ZNF532: variants seen among roughly 807,000 people sequenced by gnomAD.
The protein encoded by ZNF532 is zinc finger protein 532.
Under a neutral mutation model 89.3 loss-of-function variants are expected in ZNF532, and 22 were observed. The observed-to-expected ratio is 0.25, with a 90% confidence interval of 0.18 to 0.35. The LOEUF is 0.35. Among genes scored for constraint, ZNF532 ranks in the 10% least tolerant of loss-of-function variants. The probability of loss-of-function intolerance (pLI) is 1.00; values close to 1 mark genes in which losing one functional copy is unlikely to be tolerated. For synonymous variants in ZNF532, 606 were observed against 649.6 expected, an observed-to-expected ratio of 0.93 and a Z score of 1.02; for missense variants, 1,132 against 1,643.4, an observed-to-expected ratio of 0.69 and a Z score of 5.38.
Position 58,953,764 on chromosome 18 carries a change from G to A in ZNF532, c.3115G>A (p.Val1039Met). ...ECDCLFMQRD[V>M]YISHVRKEHG... is the part of the protein sequence containing the mutation. ...TGACTGCCTGTTCATGCAGAGAGAT[G>A]TGTACATATCCCACGTGAGGAAGGA... Residue 1039 changes from valine to methionine, a missense_variant, in exon 7 of 10, where the codon GTG becomes ATG. Physicochemically the swap from Val to Met is conservative, Grantham distance 21. This residue lies in a region of ZNF532 where 415 missense variants were observed against 604.8 expected (regional missense o/e 0.69). Transcript: ENST00000591808. 6.2e-7 allele frequency: 1 copy of A among 1,614,140 alleles called. No individual in the cohort carries two copies.
At chr18:58,937,624 T>G (rs1162277331) in intron 4 of ZNF532, among the ~76,000 whole-genome samples, 2 of 152,224 alleles carry the variant, frequency 1.3e-5, no homozygotes, top group East Asian at 3.8e-4. Flanking sequence ...CTATCCTTCA[T>G]GGGAAAATCT....
chr18:58,978,002 G>A (rs1231882949), intron 7 of ZNF532, among the ~76,000 whole-genome samples: 1 of 152,144 alleles, frequency 6.6e-6, no homozygotes, highest in African/African-American at 2.4e-5. Context: ...ATTTCCTTGT[G>A]ATATGACACT....
intron 4 of ZNF532, among the ~76,000 whole-genome samples, chr18:58,935,891 C>CA: frequency 6.6e-6 from 1 of 151,834 alleles, no homozygotes. Flanking sequence ...AAATGAAGTC[C>CA]AGTTGGCATG....
At chr18:58,910,388 A>T (rs1242816745) in intron 2 of ZNF532, among the ~76,000 whole-genome samples, 1 of 152,144 alleles carries the variant, frequency 6.6e-6, no homozygotes, top group Non-Finnish European at 1.5e-5. Context: ...CCAAAATTAC[A>T]GTTGGTCTTA....
chr18:58,961,274 G>A (rs988477931), intron 7 of ZNF532, among the ~76,000 whole-genome samples: 1 of 152,138 alleles, frequency 6.6e-6, no homozygotes, highest in Non-Finnish European at 1.5e-5. Context: ...GCGAACTACT[G>A]GCTTAGTCTG....
chr18:58,897,303 A>G (rs1296764832), intron 2 of ZNF532, among the ~76,000 whole-genome samples: 1 of 152,076 alleles, frequency 6.6e-6, no homozygotes, highest in Non-Finnish European at 1.5e-5. Flanking sequence ...CCTTCCCTTT[A>G]TTTTTAACTT....
chr18:58,966,011 A>G (rs534345280), intron 7 of ZNF532, among the ~76,000 whole-genome samples: 1 of 152,244 alleles, frequency 6.6e-6, no homozygotes, highest in African/African-American at 2.4e-5. Flanking sequence ...GAGTCTGGTT[A>G]TGGGGGTTTG....
intron 7 of ZNF532, among the ~76,000 whole-genome samples, chr18:58,958,646 T>C (rs1490176777): frequency 2.0e-5 from 3 of 152,352 alleles, no homozygotes; most frequent in Admixed American, 6.5e-5. Flanking sequence ...TCTCTTTGGA[T>C]TGTTACTTGC....
intron 6 of ZNF532, among the ~76,000 whole-genome samples, chr18:58,948,847 G>T (rs186260870): frequency 6.8e-4 from 103 of 152,206 alleles, no homozygotes; most frequent in Admixed American, 1.7e-3. Context: ...ATGAGCCACC[G>T]CGCCTGGCCG....
Position 58,953,884 on chromosome 18 carries a change from G to C in ZNF532, c.3150+85G>C, listed in dbSNP as rs944198864. ...CTTCCAAGATGTGGGCTCTTGGCTTGGCTCTATCAGTAATTAGTGCTGTGA... is the reference window on the plus strand; with the variant it reads ...CTTCCAAGATGTGGGCTCTTGGCTTCGCTCTATCAGTAATTAGTGCTGTGA... On this transcript the variant is annotated intron_variant, in intron 7 of 9. Coordinates refer to ENST00000591808, the MANE Select transcript of ZNF532 (RefSeq NM_001375912.1). The C allele has an allele frequency of 3.3e-6, 5 of 1,511,418 alleles. No homozygotes were observed. In the African/African-American group the frequency reaches 7.0e-5, roughly 21 times the overall value. 93.6% of individuals were successfully genotyped at this position (1,511,418 alleles called of 1,614,324 possible).
chr18:58,915,222 G>A (rs2060519695), intron 2 of ZNF532, among the ~76,000 whole-genome samples: 1 of 152,180 alleles, frequency 6.6e-6, no homozygotes, highest in East Asian at 1.9e-4. Context: ...GGTTTCAGAC[G>A]ACACGATGCG....
intron 4 of ZNF532, among the ~76,000 whole-genome samples, chr18:58,937,020 C>T (rs539908259): frequency 1.1e-4 from 17 of 152,266 alleles, no homozygotes; most frequent in African/African-American, 3.8e-4. Flanking sequence ...TGGGTCATCC[C>T]TGGCTCCTGG....
chr18:58,950,138 GCTT>G (rs759558822), intron 6 of ZNF532, among the ~76,000 whole-genome samples: 12 of 152,172 alleles, frequency 7.9e-5, no homozygotes, highest in Non-Finnish European at 1.8e-4. Context: ...AAGAACAGTT[GCTT>G]CTTAAGAGGC....
At chr18:58,925,710 T>G (rs1424778379) in intron 3 of ZNF532, among the ~76,000 whole-genome samples, 3 of 152,208 alleles carry the variant, frequency 2.0e-5, no homozygotes, top group African/African-American at 7.2e-5. Context: ...TTCTTCTGTG[T>G]TTTTTTCCTC....
chr18:58,900,239 G>A lies in ZNF532; in HGVS notation c.-17-18032G>A, dbSNP rs146916177. On this transcript the variant is annotated intron_variant, in intron 2 of 9. Coordinates refer to ENST00000591808, the MANE Select transcript of ZNF532 (RefSeq NM_001375912.1). ...CGGAGGATCGCAGCAGTCAGCATCC[G>A]GAATCTTTTCACTGGTGCTTTTGTT... 3.5e-4 allele frequency among the ~76,000 whole-genome samples: 53 copies of A among 152,272 alleles called. 1 individual carries two copies. The highest frequency in any genetic ancestry group is 1.3e-3 in the African/African-American group (52 of 41,552).
chr18:58,922,355 A>G (rs1317763615), intron 3 of ZNF532, among the ~76,000 whole-genome samples: 1 of 152,200 alleles, frequency 6.6e-6, no homozygotes, highest in Non-Finnish European at 1.5e-5. Flanking sequence ...AGTTTGGGGA[A>G]CAAAAGATCA....
At chr18:58,877,464 T>G (rs1054668019) in intron 2 of ZNF532, among the ~76,000 whole-genome samples, 35 of 152,232 alleles carry the variant, frequency 2.3e-4, no homozygotes, top group Non-Finnish European at 3.5e-4. Flanking sequence ...GAAGGCACAT[T>G]GATTAAATCA....
intron 7 of ZNF532, among the ~76,000 whole-genome samples, chr18:58,955,244 G>A (rs537166717): frequency 3.9e-5 from 6 of 152,294 alleles, no homozygotes; most frequent in East Asian, 3.9e-4. Flanking sequence ...GCGATAGAGC[G>A]AGGCCCTGTC....
intron 2 of ZNF532, among the ~76,000 whole-genome samples, chr18:58,893,070 C>T (rs1043534399): frequency 2.0e-5 from 3 of 151,722 alleles, no homozygotes; most frequent in Non-Finnish European, 2.9e-5. Context: ...CAGCCTCACC[C>T]TCCCAGGACC....
Sources: gnomAD v4.1 joint callset for allele counts (sites outside exome capture counted in the v4.1 genomes callset) on GRCh38, gnomAD v4.1.1 for gene constraint, gnomAD v4.1.1 regional missense constraint, MANE v1.5 for transcripts, NCBI Gene and HGNC (gene_info 2026-07-23, HGNC 2026-07-21) for gene names.